SOX6: variants seen among roughly 807,000 people sequenced by gnomAD.
SOX6 encodes the protein SRY-box transcription factor 6, also known as transcription factor SOX-6.
In SOX6, 11 loss-of-function variants were observed where a neutral mutation model predicts 97.8. The observed-to-expected ratio is 0.11, with a 90% confidence interval of 0.07 to 0.19. The LOEUF is 0.19. SOX6 is among the 10% of genes least tolerant of loss of function. SOX6 has a pLI of 1.00. For synonymous variants in SOX6, 360 were observed against 371.4 expected (o/e 0.97, Z 0.35); for missense variants, 810 against 1,039.5 (o/e 0.78, Z 3.04).
At chr11:16,722,483 C>T (rs55752810) in intron 2 of SOX6, among the ~76,000 whole-genome samples, 330 of 152,180 alleles carry the variant, frequency 2.2e-3, no homozygotes, top group African/African-American at 7.7e-3. Context: ...GAGATCTTGT[C>T]TCTACAAAAA....
At chr11:16,129,478 G>T (rs1014992005) in intron 6 of SOX6, among the ~76,000 whole-genome samples, 1 of 151,964 alleles carries the variant, frequency 6.6e-6, no homozygotes, top group African/African-American at 2.4e-5. Flanking sequence ...GCTTTACAAA[G>T]ATAGCTTTTA....
chr11:16,095,491 C>T (rs533506762), intron 9 of SOX6, among the ~76,000 whole-genome samples: 4 of 151,786 alleles, frequency 2.6e-5, no homozygotes, highest in East Asian at 1.9e-4. Context: ...AAACTGAGTA[C>T]GTAGAATTAG....
At chr11:16,193,807 T>C (rs1305851177) in intron 4 of SOX6, among the ~76,000 whole-genome samples, 1 of 152,230 alleles carries the variant, frequency 6.6e-6, no homozygotes, top group Non-Finnish European at 1.5e-5. Context: ...ATTTTTTTAA[T>C]GGATATCGTT....
At chr11:16,608,686 T>C (rs1848363811) in intron 4 of SOX6, among the ~76,000 whole-genome samples, 2 of 151,876 alleles carry the variant, frequency 1.3e-5, no homozygotes, top group South Asian at 4.2e-4. Context: ...GATTATATAG[T>C]TTATGGATTC....
chr11:16,339,007 A>C (rs1246562411), intron 2 of SOX6, among the ~76,000 whole-genome samples: 4 of 152,024 alleles, frequency 2.6e-5, no homozygotes, highest in Non-Finnish European at 5.9e-5. Flanking sequence ...TTTCCAGTCC[A>C]GTTATTTTTA....
At chr11:16,318,707 A>G (rs1169820133) in intron 2 of SOX6, 54 bp from the exon 3 acceptor site, 11 of 1,519,210 alleles carry the variant, frequency 7.2e-6, no homozygotes, top group Non-Finnish European at 9.0e-6. Flanking sequence ...TTTGCATGCT[A>G]CTGGAGAAAA....
intron 4 of SOX6, among the ~76,000 whole-genome samples, chr11:16,602,680 C>T (rs535333014): frequency 1.3e-5 from 2 of 152,206 alleles, no homozygotes; most frequent in Non-Finnish European, 2.9e-5. Flanking sequence ...CTTAATAAAC[C>T]GTGTCCTCAT....
chr11:16,302,235 G>C (rs186127104), intron 3 of SOX6, among the ~76,000 whole-genome samples: 1 of 152,176 alleles, frequency 6.6e-6, no homozygotes, highest in South Asian at 2.1e-4. Flanking sequence ...CAATTATGTC[G>C]ATCATCCTCC....
intron 11 of SOX6, among the ~76,000 whole-genome samples, chr11:16,047,684 G>A (rs963406569): frequency 2.7e-5 from 4 of 149,842 alleles, no homozygotes; most frequent in Admixed American, 6.7e-5. Flanking sequence ...TTGAGGGCTC[G>A]TATAATCATT....
At chr11:16,325,789 T>A (rs1394091540) in intron 2 of SOX6, among the ~76,000 whole-genome samples, 2 of 152,180 alleles carry the variant, frequency 1.3e-5, no homozygotes, top group Non-Finnish European at 2.9e-5. Flanking sequence ...TAAGACCTAA[T>A]CACTTTAGGA....
intron 2 of SOX6, among the ~76,000 whole-genome samples, chr11:16,720,174 C>T (rs1345899265): frequency 6.6e-6 from 1 of 151,418 alleles, no homozygotes; most frequent in Non-Finnish European, 1.5e-5. Context: ...ACCATTTGAC[C>T]CAGCCATCCC....
chr11:16,188,162 GA>G (rs1295786513), intron 4 of SOX6, among the ~76,000 whole-genome samples: 1 of 147,714 alleles, frequency 6.8e-6, no homozygotes, highest in Non-Finnish European at 1.5e-5. Flanking sequence ...TGAAAGGTAG[GA>G]CTGACATCAA....
intron 4 of SOX6, among the ~76,000 whole-genome samples, chr11:16,609,727 A>G (rs566154319): frequency 1.3e-5 from 2 of 152,356 alleles, no homozygotes; most frequent in South Asian, 2.1e-4. Context: ...AAAAAGAGAT[A>G]AGAGTGAAGA....
intron 4 of SOX6, among the ~76,000 whole-genome samples, chr11:16,197,093 C>A (rs551743680): frequency 6.6e-6 from 1 of 152,230 alleles, no homozygotes; most frequent in South Asian, 2.1e-4. Flanking sequence ...CTTGTCCTCC[C>A]AAAGTGGTGG....
chr11:16,484,030 GC>G, intron 4 of SOX6: 1 of 805,874 alleles, frequency 1.2e-6, no homozygotes, highest in Non-Finnish European at 2.2e-6. Flanking sequence ...TTGGCCCAGG[GC>G]CTGTCGGGAG....
intron 3 of SOX6, among the ~76,000 whole-genome samples, chr11:16,643,060 C>A (rs1465252221): frequency 6.6e-6 from 1 of 152,170 alleles, no homozygotes; most frequent in Non-Finnish European, 1.5e-5. Context: ...TACCTTTGGT[C>A]TTTGATGATG....
intron 3 of SOX6, among the ~76,000 whole-genome samples, chr11:16,683,284 C>T (rs2134031220): frequency 6.6e-6 from 1 of 152,280 alleles, no homozygotes; most frequent in Non-Finnish European, 1.5e-5. Context: ...CAAGAAAATC[C>T]TAAGCAAAAA....
intron 1 of SOX6, among the ~76,000 whole-genome samples, chr11:16,377,375 C>T (rs1857670871): frequency 6.6e-6 from 1 of 152,080 alleles, no homozygotes; most frequent in African/African-American, 2.4e-5. Context: ...ATTTTCTCCT[C>T]CACCAGAAAT....
At chr11:16,444,940 A>G (rs190485731) in intron 1 of SOX6, among the ~76,000 whole-genome samples, 1 of 152,338 alleles carries the variant, frequency 6.6e-6, no homozygotes, top group Admixed American at 6.5e-5. Flanking sequence ...TCATGGTTAG[A>G]TGTAAAACTC....
Sources: gnomAD v4.1 joint callset for allele counts (sites outside exome capture counted in the v4.1 genomes callset) on GRCh38, gnomAD v4.1.1 for gene constraint, MANE v1.5 for transcripts, NCBI Gene and HGNC (gene_info 2026-07-23, HGNC 2026-07-21) for gene names.